The following PLXNA4 variants were observed in gnomAD, a reference collection of about 807,000 sequenced individuals.
PLXNA4 encodes plexin-A4.
In PLXNA4, 44 loss-of-function variants were observed where a neutral mutation model predicts 191.8. The observed-to-expected ratio is 0.23, with a 90% CI of 0.18 to 0.29. The LOEUF (loss-of-function observed/expected upper bound fraction) is 0.29. PLXNA4 is among the 10% of genes least tolerant of loss of function. The pLI, the probability that PLXNA4 is intolerant of heterozygous loss-of-function variation, is 1.00. For synonymous variants in PLXNA4, 1,082 were observed against 1,009.5 expected (o/e 1.07, Z -1.36); for missense variants, 1,800 against 2,488.8 (o/e 0.72, Z 5.89).
chr7:132,546,574 G>A (rs1381287749), intron 1 of PLXNA4, among the ~76,000 whole-genome samples: 4 of 152,204 alleles, frequency 2.6e-5, no homozygotes, highest in African/African-American at 9.7e-5. Flanking sequence ...GAAGGGGGCA[G>A]GTGCTGGTAA....
chr7:132,260,091 C>A (rs775077867), intron 4 of PLXNA4, among the ~76,000 whole-genome samples: 4 of 152,068 alleles, frequency 2.6e-5, no homozygotes, highest in African/African-American at 9.7e-5. Context: ...CCTGTGGAAA[C>A]CAGTTTGGAG....
At chr7:132,471,784 G>T (rs1213005343) in intron 3 of PLXNA4, among the ~76,000 whole-genome samples, 1 of 152,058 alleles carries the variant, frequency 6.6e-6, no homozygotes, top group Non-Finnish European at 1.5e-5. Context: ...CCCACATATG[G>T]ACTTGTAAAA....
chr7:132,283,445 T>C (rs1250686789), intron 4 of PLXNA4, among the ~76,000 whole-genome samples: 1 of 152,180 alleles, frequency 6.6e-6, no homozygotes, highest in Non-Finnish European at 1.5e-5. Flanking sequence ...TCCTGGGCAT[T>C]TGTGTGAGCA....
chr7:132,453,563 T>A (rs1796207488), intron 3 of PLXNA4, among the ~76,000 whole-genome samples: 1 of 150,970 alleles, frequency 6.6e-6, no homozygotes, highest in African/African-American at 2.4e-5. Flanking sequence ...TTTTTTTTCT[T>A]CCAGACAGTC....
At chr7:132,252,825 T>C (rs933543735) in intron 4 of PLXNA4, among the ~76,000 whole-genome samples, 2 of 152,060 alleles carry the variant, frequency 1.3e-5, no homozygotes, top group African/African-American at 4.8e-5. Flanking sequence ...AACCTAAATA[T>C]CCATCCACAG....
chr7:132,445,845 C>G (rs765595085), intron 3 of PLXNA4, among the ~76,000 whole-genome samples: 103 of 152,294 alleles, frequency 6.8e-4, no homozygotes, highest in Non-Finnish European at 1.2e-3. Context: ...TGTGTCCCCC[C>G]TCAGGGATTC....
intron 14 of PLXNA4, among the ~76,000 whole-genome samples, chr7:132,188,471 T>G (rs987682435): frequency 6.6e-6 from 1 of 152,128 alleles, no homozygotes; most frequent in African/African-American, 2.4e-5. Flanking sequence ...CCCTCTCAGT[T>G]CCTTGGAGCA....
intron 1 of PLXNA4, among the ~76,000 whole-genome samples, chr7:132,563,439 C>T (rs1313206008): frequency 7.5e-5 from 7 of 93,226 alleles, no homozygotes; most frequent in Non-Finnish European, 6.2e-5. Context: ...CTTCCTCCTC[C>T]TCTTCCTCCT....
chr7:132,492,597 G>A (rs567598542), intron 2 of PLXNA4, among the ~76,000 whole-genome samples: 5 of 152,280 alleles, frequency 3.3e-5, no homozygotes, highest in African/African-American at 1.2e-4. Flanking sequence ...CTTCATGATT[G>A]CTGAGGTCCC....
chr7:132,497,308 G>A (rs945728100), intron 2 of PLXNA4, among the ~76,000 whole-genome samples: 6 of 152,226 alleles, frequency 3.9e-5, no homozygotes, highest in Non-Finnish European at 8.8e-5. Context: ...AGTACAGGGA[G>A]ATAATGATCA....
chr7:132,163,166 A>G (rs1796000069), intron 24 of PLXNA4, among the ~76,000 whole-genome samples: 1 of 152,150 alleles, frequency 6.6e-6, no homozygotes, highest in East Asian at 1.9e-4. Flanking sequence ...TTTCTCAGAG[A>G]AAAAGGGCTG....
At chr7:132,499,500 G>T (rs947860372) in intron 2 of PLXNA4, among the ~76,000 whole-genome samples, 6 of 152,224 alleles carry the variant, frequency 3.9e-5, no homozygotes. Flanking sequence ...GTGGCTACCT[G>T]TCAGGGGCAG....
At chr7:132,305,826 G>A (rs1461081364) in intron 3 of PLXNA4, among the ~76,000 whole-genome samples, 1 of 152,120 alleles carries the variant, frequency 6.6e-6, no homozygotes, top group African/African-American at 2.4e-5. Context: ...CTCTAAAGAT[G>A]CAGGCCACCT....
At chr7:132,554,685 C>A (rs949769711) in intron 1 of PLXNA4, among the ~76,000 whole-genome samples, 9 of 152,134 alleles carry the variant, frequency 5.9e-5, no homozygotes, top group Non-Finnish European at 1.2e-4. Flanking sequence ...CAGGAGAATC[C>A]CAGAGGCCCT....
At chr7:132,398,790 G>T (rs1032061436) in intron 3 of PLXNA4, among the ~76,000 whole-genome samples, 2 of 152,166 alleles carry the variant, frequency 1.3e-5, no homozygotes, top group Admixed American at 1.3e-4. Flanking sequence ...CCCAGCCCTC[G>T]CCAGCTCGAG....
chr7:132,198,734 C>T (rs958788065), intron 12 of PLXNA4, 98 bp from the exon 13 acceptor site: 21 of 1,529,090 alleles, frequency 1.4e-5, no homozygotes, highest in Admixed American at 3.9e-5. Context: ...TCTCATCTGC[C>T]CCAGAGTCCC....
At chr7:132,178,047 G>A (rs904115910) in intron 20 of PLXNA4, among the ~76,000 whole-genome samples, 9 of 152,170 alleles carry the variant, frequency 5.9e-5, no homozygotes, top group African/African-American at 2.2e-4. Context: ...ACAAGAGTCT[G>A]ACTCCTAAAT....
chr7:132,593,960 G>T (rs1439761096), intron 2 of PLXNA4, among the ~76,000 whole-genome samples: 1 of 152,210 alleles, frequency 6.6e-6, no homozygotes, highest in Non-Finnish European at 1.5e-5. Flanking sequence ...GTGATGAAGG[G>T]AGCTCCGGGT....
At chr7:132,308,912 C>T (rs758272270) in intron 3 of PLXNA4, among the ~76,000 whole-genome samples, 4 of 151,850 alleles carry the variant, frequency 2.6e-5, no homozygotes, top group Non-Finnish European at 4.4e-5. Flanking sequence ...CTATATGTGC[C>T]GTAGATAAAG....
Sources: allele counts gnomAD v4.1 joint callset (sites outside exome capture counted in the v4.1 genomes callset), GRCh38; gene constraint gnomAD v4.1.1; transcripts MANE v1.5; gene names NCBI Gene and HGNC (gene_info 2026-07-23, HGNC 2026-07-21).